Variants in KIAA0319L observed in about 807,000 individuals in gnomAD.
The protein encoded by KIAA0319L is dyslexia-associated protein KIAA0319-like protein.
KIAA0319L carries 55 observed loss-of-function variants against 120.1 expected under a neutral mutation model. That is an observed-to-expected ratio of 0.46 (90% confidence interval 0.37 to 0.57). KIAA0319L has a LOEUF of 0.57. Among genes scored for constraint, KIAA0319L ranks in the 20% least tolerant of loss-of-function variants. KIAA0319L has a pLI of 0.00. For synonymous variants in KIAA0319L, 398 were observed against 471.9 expected (o/e 0.84, Z 2.03); for missense variants, 1,049 against 1,255.3 (o/e 0.84, Z 2.48).
At chr1:35,435,575 G>C (rs1640723238) in intron 20 of KIAA0319L, 1 of 153,932 alleles carries the variant, frequency 6.5e-6, no homozygotes, top group Non-Finnish European at 1.4e-5. Context: ...GTGGGCTCTT[G>C]TCTGCTGTGG....
intron 16 of KIAA0319L, among the ~76,000 whole-genome samples, chr1:35,446,196 A>G (rs535931345): frequency 2.0e-4 from 31 of 152,178 alleles, no homozygotes; most frequent in African/African-American, 6.7e-4. Context: ...GCAAGATTCT[A>G]TTGTGTGGCT....
At position 35,532,245 on chromosome 1, in the gene KIAA0319L, A is replaced by C. The variant is rs565164579; in HGVS notation, c.142+22105T>G. On this transcript the variant is annotated intron_variant, in intron 2 of 20. Coordinates refer to ENST00000325722, the MANE Select transcript of KIAA0319L (RefSeq NM_024874.5). ...GACAGAGTGAGACTCCGTCTCAAAA[A>C]AAAAAAAAAAGAGGAAGAGGTACTC... is the stretch of plus-strand genomic sequence containing the variant. Among the ~76,000 whole-genome samples the C allele has an allele frequency of 9.2e-5, 14 of 152,218 alleles. No individual in the cohort carries two copies. The East Asian group carries it at 2.7e-3, about 29-fold the overall frequency.
intron 3 of KIAA0319L, among the ~76,000 whole-genome samples, chr1:35,501,462 T>C (rs891133278): frequency 3.9e-5 from 6 of 152,210 alleles, no homozygotes; most frequent in East Asian, 1.9e-4. Flanking sequence ...TCAACTCTCA[T>C]TGCAGCTATC....
intron 20 of KIAA0319L, among the ~76,000 whole-genome samples, chr1:35,438,357 T>C (rs1300099517): frequency 6.6e-6 from 1 of 151,882 alleles, no homozygotes; most frequent in Non-Finnish European, 1.5e-5. Context: ...CTTTCTCCCT[T>C]CTCCCACACG....
intron 3 of KIAA0319L, among the ~76,000 whole-genome samples, chr1:35,501,325 G>A (rs776694588): frequency 9.9e-5 from 15 of 152,138 alleles, no homozygotes; most frequent in Admixed American, 3.9e-4. Flanking sequence ...CTAATTTCAC[G>A]GGCCATAATT....
intron 3 of KIAA0319L, among the ~76,000 whole-genome samples, chr1:35,482,299 T>C (rs904663401): frequency 8.5e-5 from 13 of 152,174 alleles, no homozygotes; most frequent in Non-Finnish European, 1.8e-4. Flanking sequence ...TTTCTTAGCA[T>C]TGCTAAGTAG....
chr1:35,440,756 T>C, intron 20 of KIAA0319L: 2 of 421,682 alleles, frequency 4.7e-6, no homozygotes, highest in Non-Finnish European at 8.7e-6. Flanking sequence ...CCTGGGGCAG[T>C]TGGAAAAGCG....
In KIAA0319L at chr1:35,521,589, G is replaced by A. The variant is rs1434682991; in HGVS notation, c.143-14454C>T. Among the ~76,000 whole-genome samples the A allele has an allele frequency of 1.4e-4, 20 of 142,548 alleles. No individual in the cohort carries two copies. The East Asian group carries it at 1.5e-3, about 11-fold the overall frequency. The allele number at this position is 142,548 out of a possible 152,430, so 93.5% of individuals were successfully genotyped here. On this transcript the variant is annotated intron_variant, in intron 2 of 20. Coordinates refer to ENST00000325722, the MANE Select transcript of KIAA0319L (RefSeq NM_024874.5). ...GCGGAGCTTGCAATGAGCCAAGATG[G>A]CGCCACTGCACTCCAGCCTGGGTGA...
At chr1:35,534,858 CAAAAAA>C (rs779838672) in intron 2 of KIAA0319L, among the ~76,000 whole-genome samples, 2 of 42,636 alleles carry the variant, frequency 4.7e-5, no homozygotes, top group South Asian at 8.6e-4. Context: ...GACTCCGTCT[CAAAAAA>C]AAAAAAAAAA....
Position 35,554,336 on chromosome 1 carries a change from A to G in KIAA0319L, c.142+14T>C, listed in dbSNP as rs756652206. ...CTAAAAAAAAAAATCTTAAATCTAT[A>G]AAGAAAATAGTACCTGTTGACAACC... On this transcript the variant is annotated intron_variant, in intron 2 of 20. Transcript: ENST00000325722. 1 of 1,539,520 alleles carries G rather than the reference A, an allele frequency of 6.5e-7. No individual in the cohort carries two copies. Among genetic ancestry groups the G allele is most frequent in the South Asian group, 1.3e-5 (1 of 78,350 alleles).
At chr1:35,466,934 A>C (rs1300015760) in intron 6 of KIAA0319L, among the ~76,000 whole-genome samples, 1 of 152,122 alleles carries the variant, frequency 6.6e-6, no homozygotes, top group Non-Finnish European at 1.5e-5. Context: ...TCTACCAAAA[A>C]TACAAAAATT....
In KIAA0319L at chr1:35,477,838, T is replaced by C. The variant is rs546245694; in HGVS notation, c.913+1128A>G. Among the ~76,000 whole-genome samples the C allele has an allele frequency of 4.1e-4, 62 of 152,112 alleles. 1 individual carries two copies. The South Asian group carries it at 0.012, about 29-fold the overall frequency. Reference sequence around the variant, plus strand: ...TTAGTACAACCACTATGGAGAACAGTTTGGAGGTTCCTCAAAAAAATAAAA... The same window carrying C: ...TTAGTACAACCACTATGGAGAACAGCTTGGAGGTTCCTCAAAAAAATAAAA... On this transcript the variant is annotated intron_variant, in intron 4 of 20. Transcript: ENST00000325722.
intron 12 of KIAA0319L, among the ~76,000 whole-genome samples, chr1:35,452,332 G>C (rs937370557): frequency 3.3e-5 from 5 of 152,134 alleles, no homozygotes; most frequent in African/African-American, 4.8e-5. Context: ...CAAGCACCTA[G>C]GACACCCTAC....
In KIAA0319L at chr1:35,456,144, G is replaced by C. The variant is rs752244391; in HGVS notation, c.1525C>G (p.Pro509Ala). 1 of 1,613,808 alleles carries C rather than the reference G, an allele frequency of 6.2e-7. No individual in the cohort carries two copies. Among genetic ancestry groups the C allele is most frequent in the East Asian group, 2.2e-5 (1 of 44,858 alleles). ...VDYPPVANAG[P>A]NQVITLPQNS... ...TGGGGCAGGGTGATCACTTGGTTGG[G>C]GCCTGCGTTGGCCACAGGGGGGTAA... Residue 509 changes from proline to alanine, a missense_variant, in exon 10 of 21, where the codon CCC becomes GCC. Coordinates refer to ENST00000325722, the MANE Select transcript of KIAA0319L (RefSeq NM_024874.5).
At chr1:35,475,968 C>T (rs1037122940) in intron 4 of KIAA0319L, among the ~76,000 whole-genome samples, 1 of 152,214 alleles carries the variant, frequency 6.6e-6, no homozygotes. Context: ...GCGGTGTTTG[C>T]CTTGCTTTAT....
Position 35,434,973 on chromosome 1 carries a change from A to G in KIAA0319L, c.3071T>C (p.Leu1024Pro). 6.2e-7 allele frequency: 1 copy of G among 1,614,090 alleles called. No individual in the cohort carries two copies. Among genetic ancestry groups the G allele is most frequent in the Middle Eastern group, 1.7e-4 (1 of 6,044 alleles). The change falls in exon 21 of 21, where the codon CTC becomes CCC. Residue 1024 changes from leucine to proline, a missense_variant. Leu to Pro is a moderately conservative substitution (Grantham distance 98). Coordinates refer to ENST00000325722, the MANE Select transcript of KIAA0319L (RefSeq NM_024874.5). ...FTWPDREKGK[L>P]LHGQNGSVPN... ...TACAGAGCCATTCTGACCATGCAGG[A>G]GTTTGCCCTTCTCTCGGTCTGGCCA...
intron 11 of KIAA0319L, 168 bp downstream of exon 11, chr1:35,454,194 T>C: frequency 8.2e-6 from 5 of 610,252 alleles, no homozygotes; most frequent in Non-Finnish European, 1.4e-5. Flanking sequence ...CCTTCATCTC[T>C]AGCTATGAAG....
intron 2 of KIAA0319L, among the ~76,000 whole-genome samples, chr1:35,537,124 G>C (rs1305845445): frequency 1.3e-5 from 2 of 152,158 alleles, no homozygotes; most frequent in Non-Finnish European, 2.9e-5. Context: ...CATAAAAGTG[G>C]TTCTAAAAAG....
rs550737959 is a variant in KIAA0319L, at chr1:35,492,236, C to T, written c.667-13024G>A. On this transcript the variant is annotated intron_variant, in intron 3 of 20. Transcript: ENST00000325722. Reference sequence around the variant, plus strand: ...ACATCAAAATAATATCATGACCAAGCTGGGCGCGGAGGCTCACGTCTGTAA... The same window carrying T: ...ACATCAAAATAATATCATGACCAAGTTGGGCGCGGAGGCTCACGTCTGTAA... Among the ~76,000 whole-genome samples, 9 of 152,280 alleles carry T rather than the reference C, an allele frequency of 5.9e-5. No individual in the cohort carries two copies. In the South Asian group the frequency reaches 8.3e-4, roughly 14 times the overall value.
Sources: allele counts gnomAD v4.1 joint callset (sites outside exome capture counted in the v4.1 genomes callset), GRCh38; gene constraint gnomAD v4.1.1; transcripts MANE v1.5; gene names NCBI Gene and HGNC (gene_info 2026-07-23, HGNC 2026-07-21).